UGT1A10: variants seen among roughly 807,000 people sequenced by gnomAD.
UGT1A10 encodes the protein UDP-glucuronosyltransferase 1A10.
Under a neutral mutation model 45.8 loss-of-function variants are expected in UGT1A10, and 49 were observed. The ratio of observed to expected loss-of-function variants is 1.07; its 90% confidence interval spans 0.85 to 1.36. UGT1A10 has a LOEUF of 1.36. Among genes scored for constraint, UGT1A10 ranks in the 40% most tolerant of loss-of-function variants. The pLI is 0.00. For synonymous variants in UGT1A10, 284 were observed against 249.7 expected (o/e 1.14, Z -1.29); for missense variants, 745 against 668.6 (o/e 1.11, Z -1.26).
chr2:233,763,859 A>G (rs1418944768), intron 1 of UGT1A10, among the ~76,000 whole-genome samples: 1 of 152,176 alleles, frequency 6.6e-6, no homozygotes, highest in Non-Finnish European at 1.5e-5. Context: ...GTTCACAGAC[A>G]ATCGCAATGC....
rs984490888 is a variant in UGT1A10 at position 233,712,882 on chromosome 2, T to C, written c.856-54152T>C. On this transcript the variant is annotated intron_variant, in intron 1 of 4. Coordinates refer to ENST00000344644, the MANE Select transcript of UGT1A10 (RefSeq NM_019075.4). The stretch of plus-strand genomic sequence containing the variant: ...TGGAGGAGGGCACTCTGTCTTCAAT[T>C]ACATGTTGATTTGCTAGGTGTCTCA... 8.8e-6 allele frequency: 14 copies of C among 1,599,650 alleles called. No individual in the cohort carries two copies. In the African/African-American group the frequency reaches 1.9e-4, roughly 21 times the overall value.
intron 1 of UGT1A10, chr2:233,693,397 G>A (rs2075151019): frequency 6.2e-7 from 1 of 1,614,030 alleles, no homozygotes; most frequent in African/African-American, 1.3e-5. Context: ...GCCTCCTGCA[G>A]GACAGGGACA....
At position 233,669,394 on chromosome 2, in the gene UGT1A10, G is replaced by C. The variant is rs530239630; in HGVS notation, c.855+32017G>C. Among the ~76,000 whole-genome samples the C allele has an allele frequency of 3.3e-5, 5 of 152,226 alleles. No homozygotes were observed. The East Asian group carries it at 9.6e-4, about 29-fold the overall frequency. On this transcript the variant is annotated intron_variant, in intron 1 of 4. Transcript: ENST00000344644. ...AGATTGGGGTTGTATTAAATTTATA[G>C]ATCAACTAAGGAAAAATAACATTTT...
intron 1 of UGT1A10, chr2:233,693,751 G>A: frequency 1.2e-6 from 2 of 1,614,202 alleles, no homozygotes; most frequent in Non-Finnish European, 1.7e-6. Flanking sequence ...TATATCAGAA[G>A]GTCTCTGTTT....
intron 1 of UGT1A10, among the ~76,000 whole-genome samples, chr2:233,697,557 G>A (rs1418823193): frequency 2.0e-5 from 3 of 146,378 alleles, no homozygotes; most frequent in African/African-American, 7.6e-5. Context: ...TGTTTATTTA[G>A]CCTCAATTTA....
In UGT1A10 at chr2:233,637,171, C is replaced by T. The variant is rs753054350; in HGVS notation, c.649C>T (p.His217Tyr). Residue 217 changes from histidine to tyrosine, a missense_variant, in exon 1 of 5, where the codon CAT (histidine) becomes TAT (tyrosine). Transcript: ENST00000344644. ...VWNHIVHLED[H>Y]LFCQYLFRNA... ...GAACCACATCGTGCACTTGGAGGAC[C>T]ATTTATTTTGCCAGTATCTTTTTAG... 7.4e-6 allele frequency: 12 copies of T among 1,613,958 alleles called. No homozygotes were observed. In the South Asian group the frequency reaches 1.1e-4, roughly 15 times the overall value.
At chr2:233,713,084 G>A in intron 1 of UGT1A10, 1 of 1,614,196 alleles carries the variant, frequency 6.2e-7, no homozygotes, top group African/African-American at 1.3e-5. Context: ...GTGGGAAGGT[G>A]CTGGTGGTGC....
chr2:233,725,634 A>G (rs2077463990), intron 1 of UGT1A10, among the ~76,000 whole-genome samples: 1 of 152,208 alleles, frequency 6.6e-6, no homozygotes, highest in Non-Finnish European at 1.5e-5. Flanking sequence ...TCTAGCATAT[A>G]TCTGACATTT....
At chr2:233,667,935 G>A (rs2074110980) in intron 1 of UGT1A10, among the ~76,000 whole-genome samples, 2 of 152,132 alleles carry the variant, frequency 1.3e-5, no homozygotes, top group Non-Finnish European at 2.9e-5. Context: ...CTGTTGGTGG[G>A]ACTGTAAACT....
chr2:233,729,723 A>C (rs563184062), intron 1 of UGT1A10: 21 of 1,613,942 alleles, frequency 1.3e-5, no homozygotes, highest in Non-Finnish European at 1.7e-5. Flanking sequence ...GATTACTAAC[A>C]ACCAATTCAG....
rs201300142 is a variant in UGT1A10 at position 233,636,762 on chromosome 2, G to C, written c.240G>C (p.Ser80=). 1 of 1,614,126 alleles carries C rather than the reference G, an allele frequency of 6.2e-7. No individual in the cohort carries two copies. The highest frequency in any genetic ancestry group is 8.5e-7 in the Non-Finnish European group (1 of 1,180,018). The change falls in exon 1 of 5, where the codon TCG becomes TCC. Residue 80 remains serine (S), a synonymous_variant. Coordinates refer to ENST00000344644, the MANE Select transcript of UGT1A10 (RefSeq NM_019075.4). ...LNCTVKTYST[S]YTLEDQNREF... is the part of the protein sequence containing the mutation. ...GCACAGTGAAGACTTACTCAACCTC[G>C]TACACTCTGGAAGATCAGAACCGGG...
At chr2:233,648,767 A>G (rs2073667258) in intron 1 of UGT1A10, 6 of 753,024 alleles carry the variant, frequency 8.0e-6, no homozygotes, top group South Asian at 4.8e-5. Flanking sequence ...CCCAGCCTGG[A>G]TGCCATGACT....
chr2:233,647,436 C>T (rs569490863), intron 1 of UGT1A10, among the ~76,000 whole-genome samples: 6 of 152,244 alleles, frequency 3.9e-5, no homozygotes, highest in Admixed American at 2.0e-4. Context: ...TTCTGTTTTC[C>T]GGACTAGATT....
At chr2:233,715,749 G>A (rs1295869903) in intron 1 of UGT1A10, among the ~76,000 whole-genome samples, 1 of 152,196 alleles carries the variant, frequency 6.6e-6, no homozygotes, top group Non-Finnish European at 1.5e-5. Flanking sequence ...TCCAGCCTGA[G>A]TGACAGAGCG....
intron 1 of UGT1A10, chr2:233,760,404 C>T (rs1211296854): frequency 1.2e-6 from 2 of 1,614,220 alleles, no homozygotes; most frequent in Non-Finnish European, 8.5e-7. Flanking sequence ...ATGGCAGCCA[C>T]TGGCTGAGCA....
At position 233,725,305 on chromosome 2, in the gene UGT1A10, C is replaced by G. The variant is rs59627078; in HGVS notation, c.856-41729C>G. 2.6e-4 allele frequency among the ~76,000 whole-genome samples: 9 copies of G among 33,972 alleles called. 3 individuals are homozygous for G. Among genetic ancestry groups the G allele is most frequent in the African/African-American group, 6.7e-4 (2 of 2,968 alleles). The allele number at this position is 33,972 out of a possible 152,430, so 22.3% of individuals were successfully genotyped here. A position where few individuals can be genotyped will look rare whatever the true frequency, so the allele number is the denominator to read the frequency against. ...GCAGAGGCAGAGGCAGAGGCAGAGG[C>G]AGAGGCAGAGGCGCCTGGTCAACAA... On this transcript the variant is annotated intron_variant, in intron 1 of 4. Coordinates refer to ENST00000344644, the MANE Select transcript of UGT1A10 (RefSeq NM_019075.4).
chr2:233,713,519 T>C, intron 1 of UGT1A10: 1 of 1,613,934 alleles, frequency 6.2e-7, no homozygotes. Context: ...TGAGGAACAT[T>C]CCATGTGATT....
chr2:233,682,275 C>G (rs1361366825), intron 1 of UGT1A10: 1 of 1,614,028 alleles, frequency 6.2e-7, no homozygotes, highest in African/African-American at 1.3e-5. Context: ...ACAAGTTCAT[C>G]CAATGGTATT....
chr2:233,682,712 T>C, intron 1 of UGT1A10: 1 of 1,613,902 alleles, frequency 6.2e-7, no homozygotes, highest in African/African-American at 1.3e-5. Context: ...TGACTTTGTT[T>C]TGGAGTATCC....
Sources: allele counts gnomAD v4.1 joint callset (sites outside exome capture counted in the v4.1 genomes callset), GRCh38; gene constraint gnomAD v4.1.1; transcripts MANE v1.5; gene names NCBI Gene and HGNC (gene_info 2026-07-23, HGNC 2026-07-21).